Variants in EPHA6 observed in about 807,000 individuals in gnomAD.
EPHA6 encodes EPH receptor A6, also known as ephrin type-A receptor 6.
A neutral mutation model predicts 112.0 loss-of-function variants in EPHA6; 50 were observed. The ratio of observed to expected loss-of-function variants is 0.45; its 90% CI spans 0.36 to 0.56. EPHA6 has a LOEUF of 0.56. Among genes scored for constraint, EPHA6 ranks in the 20% least tolerant of loss-of-function variants. The pLI, the probability that EPHA6 is intolerant of heterozygous loss-of-function variation, is 0.00. For missense variants in EPHA6, 1,280 were observed against 1,417.4 expected, an observed-to-expected ratio of 0.90 and a Z score of 1.56; for synonymous variants, 529 against 490.7, an observed-to-expected ratio of 1.08 and a Z score of -1.03.
At chr3:97,730,448 T>C (rs2034986809) in intron 15 of EPHA6, among the ~76,000 whole-genome samples, 1 of 152,138 alleles carries the variant, frequency 6.6e-6, no homozygotes, top group South Asian at 2.1e-4. Flanking sequence ...TTCATATTTT[T>C]CACATTATTT....
intron 6 of EPHA6, among the ~76,000 whole-genome samples, chr3:97,442,056 G>T (rs2090156087): frequency 6.6e-6 from 1 of 152,086 alleles, no homozygotes; most frequent in Non-Finnish European, 1.5e-5. Context: ...TTAAAAAAAG[G>T]AGTAGATTAA....
At chr3:97,096,636 T>C (rs1444187364) in intron 3 of EPHA6, among the ~76,000 whole-genome samples, 1 of 151,924 alleles carries the variant, frequency 6.6e-6, no homozygotes, top group African/African-American at 2.4e-5. Context: ...AAAAAGTCAG[T>C]ATATTCAGGT....
chr3:97,566,035 AG>A (rs1405861578), intron 11 of EPHA6, among the ~76,000 whole-genome samples: 2 of 151,248 alleles, frequency 1.3e-5, no homozygotes, highest in Non-Finnish European at 2.9e-5. Context: ...AAAAAAAAAA[AG>A]GAAAGAGATT....
chr3:97,146,057 G>T (rs1459581214), intron 3 of EPHA6, among the ~76,000 whole-genome samples: 1 of 151,572 alleles, frequency 6.6e-6, no homozygotes, highest in Non-Finnish European at 1.5e-5. Context: ...CATATTATTT[G>T]ATTGCTCCTT....
intron 11 of EPHA6, among the ~76,000 whole-genome samples, chr3:97,546,163 T>C (rs2092944632): frequency 6.6e-6 from 1 of 152,244 alleles, no homozygotes; most frequent in African/African-American, 2.4e-5. Context: ...CTAGCCTTGA[T>C]GGTCTTTACA....
At chr3:97,387,324 T>TTTC (rs1299817129) in intron 5 of EPHA6, among the ~76,000 whole-genome samples, 2 of 152,032 alleles carry the variant, frequency 1.3e-5, no homozygotes, top group African/African-American at 4.8e-5. Context: ...CAGTTTTTTT[T>TTTC]TTTTTTTTGC....
At chr3:97,233,456 C>A (rs1360715869) in intron 4 of EPHA6, among the ~76,000 whole-genome samples, 1 of 152,038 alleles carries the variant, frequency 6.6e-6, no homozygotes, top group Non-Finnish European at 1.5e-5. Context: ...ATGGTAAGTC[C>A]AGCAAGATAT....
At chr3:97,237,667 GAA>G (rs1430751345) in intron 4 of EPHA6, among the ~76,000 whole-genome samples, 1 of 152,000 alleles carries the variant, frequency 6.6e-6, no homozygotes, top group African/African-American at 2.4e-5. Context: ...GCATTTTGAG[GAA>G]AGTTTATTAA....
intron 11 of EPHA6, among the ~76,000 whole-genome samples, chr3:97,548,009 G>T (rs2092979196): frequency 6.6e-6 from 1 of 152,178 alleles, no homozygotes; most frequent in Admixed American, 6.5e-5. Context: ...GACCCCTTGT[G>T]CTTCCCGGGT....
At chr3:96,844,115 A>C (rs1286813435) in intron 1 of EPHA6, among the ~76,000 whole-genome samples, 1 of 151,950 alleles carries the variant, frequency 6.6e-6, no homozygotes, top group Non-Finnish European at 1.5e-5. Flanking sequence ...ATACTTTAAA[A>C]CTGCCACAAG....
At chr3:97,637,812 TAC>T (rs1560215002) in intron 13 of EPHA6, 59 bp from the exon 14 acceptor site, 2 of 1,236,086 alleles carry the variant, frequency 1.6e-6, no homozygotes, top group Admixed American at 1.8e-5. Flanking sequence ...TCTTATTTAA[TAC>T]ACACACGCAC....
intron 10 of EPHA6, among the ~76,000 whole-genome samples, chr3:97,491,513 G>A (rs781241795): frequency 5.9e-5 from 9 of 152,264 alleles, no homozygotes; most frequent in South Asian, 2.1e-4. Flanking sequence ...ACCATTCTCA[G>A]AGTTTAGGAA....
intron 3 of EPHA6, among the ~76,000 whole-genome samples, chr3:97,165,860 G>C (rs1451221318): frequency 6.6e-6 from 1 of 152,136 alleles, no homozygotes; most frequent in African/African-American, 2.4e-5. Context: ...TGAAAGTCTA[G>C]TGTTAAGTAT....
intron 1 of EPHA6, among the ~76,000 whole-genome samples, chr3:96,845,107 T>G (rs2034991997): frequency 6.6e-6 from 1 of 152,004 alleles, no homozygotes; most frequent in Admixed American, 6.6e-5. Context: ...GATTAATGAG[T>G]TCTTTTTTTA....
intron 6 of EPHA6, among the ~76,000 whole-genome samples, chr3:97,438,359 G>A (rs542397414): frequency 1.3e-5 from 2 of 152,196 alleles, no homozygotes; most frequent in South Asian, 4.2e-4. Context: ...TCTCCACAAT[G>A]TTCCTAAGAA....
At chr3:97,459,856 C>A (rs2090826550) in intron 7 of EPHA6, among the ~76,000 whole-genome samples, 1 of 152,158 alleles carries the variant, frequency 6.6e-6, no homozygotes, top group African/African-American at 2.4e-5. Context: ...TTGCTCTCTG[C>A]CAGCATTTAA....
intron 5 of EPHA6, among the ~76,000 whole-genome samples, chr3:97,351,537 C>T (rs1042768524): frequency 9.2e-5 from 14 of 152,102 alleles, no homozygotes; most frequent in South Asian, 4.2e-4. Context: ...TGTTGTACGG[C>T]GAGGGAAATT....
At chr3:96,843,074 CTA>C (rs767873703) in intron 1 of EPHA6, among the ~76,000 whole-genome samples, 4 of 152,070 alleles carry the variant, frequency 2.6e-5, no homozygotes, top group Non-Finnish European at 4.4e-5. Context: ...GCATCTGTGT[CTA>C]TGTGTAGGAT....
chr3:97,035,524 G>A lies in EPHA6; in HGVS notation c.1114+47531G>A, dbSNP rs76917855. Among the ~76,000 whole-genome samples the A allele has an allele frequency of 3.8e-3, 571 of 151,600 alleles. 6 individuals are homozygous for A. The highest frequency in any genetic ancestry group is 0.013 in the African/African-American group (554 of 41,408). On this transcript the variant is annotated intron_variant, in intron 3 of 17. Transcript: ENST00000389672. ...GTATTGTAAGTATTGCTTGTTTTTT[G>A]ATTCTTTGCTATTACTTCCTTAATG...
Sources: gnomAD v4.1 joint callset for allele counts (sites outside exome capture counted in the v4.1 genomes callset) on GRCh38, gnomAD v4.1.1 for gene constraint, MANE v1.5 for transcripts, NCBI Gene and HGNC (gene_info 2026-07-23, HGNC 2026-07-21) for gene names.